The following RBFOX1 variants were observed in gnomAD, a reference collection of about 807,000 sequenced individuals.
The protein encoded by RBFOX1 is RNA binding protein fox-1 homolog 1.
RBFOX1 carries 8 observed loss-of-function variants against 57.7 expected under a neutral mutation model. That is an observed-to-expected ratio of 0.14 (90% CI 0.08 to 0.25). RBFOX1 has a LOEUF of 0.25. RBFOX1 is among the 10% of genes least tolerant of loss of function. The pLI is 1.00. For synonymous variants in RBFOX1, 326 were observed against 222.4 expected (o/e 1.47, Z -4.15); for missense variants, 611 against 548.5 (o/e 1.11, Z -1.14).
intron 2 of RBFOX1, among the ~76,000 whole-genome samples, chr16:5,588,658 C>A (rs905127030): frequency 6.6e-6 from 1 of 152,104 alleles, no homozygotes; most frequent in Admixed American, 6.5e-5. Flanking sequence ...ACTTTGCAGA[C>A]TTAGAGGGCT....
chr16:7,445,361 C>G (rs1363827156), intron 4 of RBFOX1, among the ~76,000 whole-genome samples: 1 of 152,110 alleles, frequency 6.6e-6, no homozygotes. Context: ...ATCTGGAGGC[C>G]CATGGGTCTC....
chr16:6,881,669 G>C (rs1294687440), intron 3 of RBFOX1, among the ~76,000 whole-genome samples: 1 of 152,160 alleles, frequency 6.6e-6, no homozygotes, highest in East Asian at 1.9e-4. Context: ...CACATTCTTA[G>C]ATGTTGGCAG....
At chr16:5,827,386 C>T (rs1187464053) in intron 3 of RBFOX1, among the ~76,000 whole-genome samples, 1 of 118,142 alleles carries the variant, frequency 8.5e-6, no homozygotes, top group Non-Finnish European at 1.6e-5. Flanking sequence ...GATGACAGAG[C>T]AAGACTCCAT....
intron 3 of RBFOX1, among the ~76,000 whole-genome samples, chr16:5,616,762 C>G (rs1488654324): frequency 1.4e-5 from 2 of 148,034 alleles, no homozygotes; most frequent in Non-Finnish European, 3.0e-5. Context: ...TCTCCTGTCC[C>G]CCCTTCTCCC....
At chr16:6,572,653 C>T (rs1214415081) in intron 2 of RBFOX1, among the ~76,000 whole-genome samples, 1 of 151,928 alleles carries the variant, frequency 6.6e-6, no homozygotes, top group African/African-American at 2.4e-5. Context: ...AGTGCAGTGT[C>T]ACTATCTCAG....
At chr16:7,565,389 A>G (rs988549209) in intron 5 of RBFOX1, among the ~76,000 whole-genome samples, 4 of 152,142 alleles carry the variant, frequency 2.6e-5, no homozygotes, top group African/African-American at 9.7e-5. Flanking sequence ...CAGGTTTACA[A>G]ATCAAATCAA....
intron 4 of RBFOX1, among the ~76,000 whole-genome samples, chr16:7,270,059 T>C (rs1200857274): frequency 6.6e-6 from 1 of 152,226 alleles, no homozygotes; most frequent in East Asian, 1.9e-4. Context: ...TGTGAAATAC[T>C]GTGGAAAGTA....
At chr16:7,444,755 C>T (rs2098795544) in intron 4 of RBFOX1, among the ~76,000 whole-genome samples, 1 of 152,138 alleles carries the variant, frequency 6.6e-6, no homozygotes, top group Non-Finnish European at 1.5e-5. Context: ...TGGTCCTGAA[C>T]CCCTGGGCTC....
At chr16:5,926,562 A>C (rs909204382) in intron 4 of RBFOX1, among the ~76,000 whole-genome samples, 16 of 152,178 alleles carry the variant, frequency 1.1e-4, no homozygotes, top group African/African-American at 3.6e-4. Context: ...TTTGGATTCT[A>C]CTACACCTCA....
intron 4 of RBFOX1, among the ~76,000 whole-genome samples, chr16:7,197,336 G>T (rs998076777): frequency 6.6e-6 from 1 of 150,778 alleles, no homozygotes; most frequent in Non-Finnish European, 1.5e-5. Flanking sequence ...TTTAACTCCT[G>T]ATCTTGGGAA....
At chr16:7,609,273 A>G (rs905320862) in intron 10 of RBFOX1, among the ~76,000 whole-genome samples, 4 of 152,096 alleles carry the variant, frequency 2.6e-5, no homozygotes, top group African/African-American at 9.7e-5. Flanking sequence ...TGTGGTGGAG[A>G]GGGCAAAATG....
chr16:5,543,501 CAAT>C (rs1197385431), intron 2 of RBFOX1, among the ~76,000 whole-genome samples: 1 of 151,802 alleles, frequency 6.6e-6, no homozygotes, highest in Non-Finnish European at 1.5e-5. Context: ...ACATAGAGAA[CAAT>C]AATAATGAGA....
At chr16:6,456,379 G>C (rs2094773536) in intron 2 of RBFOX1, among the ~76,000 whole-genome samples, 1 of 152,134 alleles carries the variant, frequency 6.6e-6, no homozygotes, top group Non-Finnish European at 1.5e-5. Flanking sequence ...CATGGTCATA[G>C]CTTACTGCTG....
intron 3 of RBFOX1, among the ~76,000 whole-genome samples, chr16:6,818,372 C>T (rs960428053): frequency 1.3e-5 from 2 of 151,998 alleles, no homozygotes; most frequent in African/African-American, 4.8e-5. Context: ...ACAAGTGGGA[C>T]TTAAACCAAG....
At chr16:5,882,884 C>T (rs563190667) in intron 4 of RBFOX1, among the ~76,000 whole-genome samples, 2 of 152,224 alleles carry the variant, frequency 1.3e-5, no homozygotes, top group East Asian at 3.9e-4. Context: ...AAAGAGAAAA[C>T]ATGAAAATGT....
intron 13 of RBFOX1, among the ~76,000 whole-genome samples, chr16:7,669,911 G>A (rs375346127): frequency 1.3e-5 from 2 of 152,142 alleles, no homozygotes; most frequent in South Asian, 2.1e-4. Context: ...CAAGAAATCA[G>A]GCGAATGCTG....
intron 3 of RBFOX1, among the ~76,000 whole-genome samples, chr16:6,898,580 C>T (rs371607038): frequency 6.6e-6 from 1 of 152,150 alleles, no homozygotes; most frequent in African/African-American, 2.4e-5. Context: ...ACATAAACTT[C>T]TCATGTCCGT....
In RBFOX1 at chr16:5,266,590, C is replaced by T. The variant is rs377318556; in HGVS notation, c.219+26485C>T. ...TGAGGCAGGATCTTTCTCTGTCACCCAGGCTGGAGCACAGTGGCACGATCA... is the reference window on the plus strand; with the variant it reads ...TGAGGCAGGATCTTTCTCTGTCACCTAGGCTGGAGCACAGTGGCACGATCA... On this transcript the variant is annotated intron_variant, in intron 1 of 2. Transcript: ENST00000585867. Among the ~76,000 whole-genome samples the T allele has an allele frequency of 6.8e-5, 10 of 147,294 alleles. No homozygotes were observed. In the East Asian group the frequency reaches 1.8e-3, roughly 26 times the overall value.
At chr16:6,856,337 G>T (rs962644614) in intron 3 of RBFOX1, among the ~76,000 whole-genome samples, 1 of 152,118 alleles carries the variant, frequency 6.6e-6, no homozygotes, top group African/African-American at 2.4e-5. Flanking sequence ...TTGAAGCCAC[G>T]TCTGAATTCT....
Sources: gnomAD v4.1 joint callset for allele counts (sites outside exome capture counted in the v4.1 genomes callset) on GRCh38, gnomAD v4.1.1 for gene constraint, MANE v1.5 for transcripts, NCBI Gene and HGNC (gene_info 2026-07-23, HGNC 2026-07-21) for gene names.